The following PTCHD1 variants were observed in gnomAD, a reference collection of about 807,000 sequenced individuals.
PTCHD1 encodes the protein patched domain-containing protein 1.
In PTCHD1, 3 loss-of-function variants were observed where a neutral mutation model predicts 34.6. The ratio of observed to expected loss-of-function variants is 0.09; its 90% CI spans 0.04 to 0.22. The LOEUF (loss-of-function observed/expected upper bound fraction) is 0.22. Among genes scored for constraint, PTCHD1 ranks in the 10% least tolerant of loss-of-function variants. PTCHD1 has a pLI of 1.00. For missense variants in PTCHD1, 504 were observed against 685.5 expected (o/e 0.74, Z 2.96); for synonymous variants, 305 against 283.1 (o/e 1.08, Z -0.77).
chrX:23,375,506 C>T (rs1922391984), intron 1 of PTCHD1, among the ~76,000 whole-genome samples: 1 of 110,644 alleles, frequency 9.0e-6, no homozygotes, highest in Non-Finnish European at 1.9e-5. Flanking sequence ...GTCTCGATCT[C>T]CTGACCTCGT....
intron 1 of PTCHD1, among the ~76,000 whole-genome samples, chrX:23,379,339 C>T (rs1421390803): frequency 1.8e-5 from 2 of 111,678 alleles, no homozygotes; most frequent in African/African-American, 6.5e-5. Context: ...TCTGATTTAC[C>T]AGGTCTGGGA....
At chrX:23,373,370 T>A (rs1922325384) in intron 1 of PTCHD1, among the ~76,000 whole-genome samples, 1 of 112,847 alleles carries the variant, frequency 8.9e-6, no homozygotes, top group Non-Finnish European at 1.9e-5. Context: ...CCATTTGTCT[T>A]TTGTCACTGG....
At chrX:23,391,293 G>C (rs766631549) in intron 2 of PTCHD1, among the ~76,000 whole-genome samples, 1 of 111,480 alleles carries the variant, frequency 9.0e-6, no homozygotes, top group Non-Finnish European at 1.9e-5. Context: ...CAAATAGCGC[G>C]GAGAAGCTAG....
At chrX:23,383,813 G>T (rs1415499354) in intron 2 of PTCHD1, among the ~76,000 whole-genome samples, 3 of 111,883 alleles carry the variant, frequency 2.7e-5, no homozygotes, top group Non-Finnish European at 5.6e-5. Context: ...AGTTTATTTG[G>T]TCTATACCCT....
rs1049671208 is a variant in PTCHD1 at position 23,401,908 on chromosome X, G to A, written c.*7723G>A. Reference sequence around the variant, plus strand: ...TTTAAAAATTGCTAACAGTTTCACAGTGGGAAAATTGCATTTGTTGGAATT... The same window carrying A: ...TTTAAAAATTGCTAACAGTTTCACAATGGGAAAATTGCATTTGTTGGAATT... On this transcript the variant is annotated 3_prime_UTR_variant, in exon 3 of 3. Transcript: ENST00000379361. 2 of 112,990 alleles carry A rather than the reference G, an allele frequency of 1.8e-5. No homozygotes were observed. The highest frequency in any genetic ancestry group is 1.9e-4 in the Admixed American group (2 of 10,761). 9.3% of individuals were successfully genotyped at this position (112,990 alleles called of 1,213,427 possible).
intron 1 of PTCHD1, among the ~76,000 whole-genome samples, chrX:23,375,287 C>CTTTTTTTTTTTTTTTTTTTT (rs72075900): frequency 1.2e-5 from 1 of 83,724 alleles, no homozygotes; most frequent in African/African-American, 4.8e-5. Flanking sequence ...GCTGACAATT[C>CTTTTTTTTTTTTTTTTTTTT]TTTTTTTTTT....
chrX:23,381,035 T>C (rs1200662326), intron 2 of PTCHD1, among the ~76,000 whole-genome samples: 1 of 112,199 alleles, frequency 8.9e-6, no homozygotes, highest in Non-Finnish European at 1.9e-5. Context: ...TTCCCCACCT[T>C]ATGAATAGAG....
chrX:23,347,277 C>T (rs1198546103), intron 1 of PTCHD1, among the ~76,000 whole-genome samples: 1 of 112,156 alleles, frequency 8.9e-6, no homozygotes, highest in Admixed American at 9.4e-5. Flanking sequence ...TACTAAAAGA[C>T]TGAGATTTCA....
At chrX:23,347,880 C>T (rs1024338933) in intron 1 of PTCHD1, among the ~76,000 whole-genome samples, 1 of 111,462 alleles carries the variant, frequency 9.0e-6, no homozygotes, top group Non-Finnish European at 1.9e-5. Context: ...CATGGTGGTA[C>T]ATGCCTGTAG....
At chrX:23,351,522 A>G (rs1921633088) in intron 1 of PTCHD1, 2 of 367,244 alleles carry the variant, frequency 5.4e-6, no homozygotes, top group Admixed American at 7.8e-5. Context: ...CTCCATTTAA[A>G]AGTATGAAGT....
At chrX:23,367,346 C>G (rs2146632068) in intron 1 of PTCHD1, among the ~76,000 whole-genome samples, 1 of 112,273 alleles carries the variant, frequency 8.9e-6, no homozygotes, top group Admixed American at 9.4e-5. Flanking sequence ...GACTTCACAT[C>G]TGCAAGCCTT....
intron 2 of PTCHD1, among the ~76,000 whole-genome samples, chrX:23,387,425 T>C (rs1389769317): frequency 2.7e-5 from 3 of 111,736 alleles, no homozygotes; most frequent in Non-Finnish European, 1.9e-5. Context: ...ATTTATCATG[T>C]GTGCTTCTTT....
chrX:23,402,440 A>C lies in PTCHD1; in HGVS notation c.*8255A>C, dbSNP rs1424479286. The C allele has an allele frequency of 1.8e-5, 2 of 111,944 alleles. No homozygotes were observed. 9.2% of individuals were successfully genotyped at this position (111,944 alleles called of 1,213,427 possible). ...AAAAAGTAATTACTGGGAAGCTGAA[A>C]ACAATCAAATATGTGAGGAATGACT... On this transcript the variant is annotated 3_prime_UTR_variant, in exon 3 of 3. Transcript: ENST00000379361.
chrX:23,355,106 C>T (rs1387577873), intron 1 of PTCHD1, among the ~76,000 whole-genome samples: 1 of 110,951 alleles, frequency 9.0e-6, no homozygotes, highest in East Asian at 2.8e-4. Flanking sequence ...TCCCCGCCTA[C>T]TGGGGCAGCA....
chrX:23,383,298 C>T (rs1922608333), intron 2 of PTCHD1, among the ~76,000 whole-genome samples: 1 of 111,909 alleles, frequency 8.9e-6, no homozygotes, highest in Admixed American at 9.5e-5. Flanking sequence ...ATGGACATTT[C>T]CTTGGCTATC....
chrX:23,375,646 T>C (rs1398046941), intron 1 of PTCHD1, among the ~76,000 whole-genome samples: 12 of 111,806 alleles, frequency 1.1e-4, no homozygotes, highest in African/African-American at 3.9e-4. Context: ...TGTTGGTGTA[T>C]GCTAAGTGTC....
chrX:23,359,403 T>G (rs887949490), intron 1 of PTCHD1, among the ~76,000 whole-genome samples: 7 of 111,883 alleles, frequency 6.3e-5, no homozygotes, highest in Non-Finnish European at 9.4e-5. Context: ...TTATTCTCTT[T>G]GTAGCGATTG....
chrX:23,373,316 A>G (rs1233367646), intron 1 of PTCHD1, among the ~76,000 whole-genome samples: 1 of 111,975 alleles, frequency 8.9e-6, no homozygotes, highest in East Asian at 2.8e-4. Context: ...GAACTATTCA[A>G]CTCTCCCAGA....
chrX:23,344,590 T>A (rs1242692113), intron 1 of PTCHD1, among the ~76,000 whole-genome samples: 1 of 111,711 alleles, frequency 9.0e-6, no homozygotes. Context: ...TTACAGACAA[T>A]TGGATTCAAC....
Sources: allele counts gnomAD v4.1 joint callset (sites outside exome capture counted in the v4.1 genomes callset), GRCh38; gene constraint gnomAD v4.1.1; transcripts MANE v1.5; gene names NCBI Gene and HGNC (gene_info 2026-07-23, HGNC 2026-07-21).